GOLGA4: variants seen among roughly 807,000 people sequenced by gnomAD.
GOLGA4 encodes golgin subfamily A member 4.
In GOLGA4, 169 loss-of-function variants were observed where a neutral mutation model predicts 265.9. That is an observed-to-expected ratio of 0.64 (90% confidence interval 0.56 to 0.72). GOLGA4 has a LOEUF of 0.72. Ranked by LOEUF, GOLGA4 falls within the 30% of genes least tolerant of loss-of-function variation. The pLI, the probability that GOLGA4 is intolerant of heterozygous loss-of-function variation, is 0.00. For missense variants in GOLGA4, 2,482 were observed against 2,483.4 expected (o/e 1.00, Z 0.01); for synonymous variants, 923 against 855.8 (o/e 1.08, Z -1.37).
chr3:37,315,836 T>TGTTATA (rs2096936147), intron 11 of GOLGA4, among the ~76,000 whole-genome samples: 1 of 152,186 alleles, frequency 6.6e-6, no homozygotes, highest in Admixed American at 6.5e-5. Context: ...AGATGTGCCT[T>TGTTATA]AACTGTTCTG....
At position 37,319,050 on chromosome 3, in the gene GOLGA4, G is replaced by T; in HGVS notation, c.1414-13G>T. On this transcript the variant is annotated splice_polypyrimidine_tract_variant and intron_variant, in intron 11 of 23. Coordinates refer to ENST00000361924, the MANE Select transcript of GOLGA4 (RefSeq NM_002078.5). The stretch of plus-strand genomic sequence containing the variant: ...CTGGGTGTCCTTATATTATCTATTT[G>T]GCTCATTTTCAGAAATCCTCAGAAG... 6.4e-7 allele frequency: 1 copy of T among 1,565,294 alleles called. No homozygotes were observed. The highest frequency in any genetic ancestry group is 1.2e-5 in the South Asian group (1 of 83,732).
At chr3:37,328,650 T>C in intron 15 of GOLGA4, 113 bp downstream of exon 15, 1 of 1,004,622 alleles carries the variant, frequency 1.0e-6, no homozygotes, top group Non-Finnish European at 1.4e-6. Flanking sequence ...GGGGAAGAAA[T>C]AATCCTTGCC....
chr3:37,286,304 C>T (rs1379167464), intron 4 of GOLGA4, among the ~76,000 whole-genome samples: 1 of 150,238 alleles, frequency 6.7e-6, no homozygotes, highest in Non-Finnish European at 1.5e-5. Context: ...CAGGCGCCCG[C>T]CACCGCGCCC....
Position 37,282,006 on chromosome 3 carries a change from T to C in GOLGA4, c.211T>C (p.Ser71Pro). The C allele has an allele frequency of 1.9e-6, 3 of 1,614,104 alleles. No homozygotes were observed. The highest frequency in any genetic ancestry group is 2.5e-6 in the Non-Finnish European group (3 of 1,179,956). ...FAQKLQLRVP[S>P]VESLFRSPIK... is the part of the protein sequence containing the mutation. Reference sequence around the variant, plus strand: ...ACAGAAGCTCCAGCTCCGGGTGCCCTCCGTGGAGTCTTTGTTTCGAAGTCC... The same window carrying C: ...ACAGAAGCTCCAGCTCCGGGTGCCCCCCGTGGAGTCTTTGTTTCGAAGTCC... The change falls in exon 3 of 24, where the codon TCC becomes CCC. Residue 71 changes from serine (S) to proline (P), a missense_variant. Ser to Pro is a moderately conservative substitution (Grantham distance 74). Transcript: ENST00000361924.
intron 17 of GOLGA4, among the ~76,000 whole-genome samples, chr3:37,336,510 C>A (rs978550227): frequency 6.6e-6 from 1 of 151,746 alleles, no homozygotes; most frequent in African/African-American, 2.4e-5. Flanking sequence ...CCTGTAATCC[C>A]AGCACTTTGG....
intron 20 of GOLGA4, among the ~76,000 whole-genome samples, chr3:37,343,337 T>C (rs1233591508): frequency 6.6e-6 from 1 of 152,158 alleles, no homozygotes; most frequent in Non-Finnish European, 1.5e-5. Context: ...GTCAGGCTGG[T>C]CTCAAACTCC....
intron 13 of GOLGA4, 66 bp downstream of exon 13, chr3:37,321,952 C>A: frequency 7.6e-7 from 1 of 1,318,094 alleles, no homozygotes; most frequent in Non-Finnish European, 1.1e-6. Context: ...TTTGTTGTCT[C>A]TAGTCAGTAT....
At chr3:37,355,064 A>G (rs779720348) in intron 21 of GOLGA4, 37 bp from the exon 22 acceptor site, 1 of 1,157,762 alleles carries the variant, frequency 8.6e-7, no homozygotes, top group Non-Finnish European at 1.3e-6. Context: ...TATATGCTTC[A>G]CTGTCTGTTA....
chr3:37,323,985 G>C lies in GOLGA4; in HGVS notation c.2099G>C (p.Arg700Pro), dbSNP rs150129405. Residue 700 changes from arginine to proline, a missense_variant, in exon 14 of 24, where the codon CGT becomes CCT. Around this residue, in one of 3 missense-constraint regions of GOLGA4, gnomAD observed 1,536 missense variants for 1,483.7 expected, o/e 1.04. Transcript: ENST00000361924. ...SSELSEVLKA[R>P]HKLEEELSVL... ...GAACTGTCAGAAGTATTAAAAGCCC[G>C]TCACAAACTAGAAGAGGAACTTTCT... 23 of 1,613,480 alleles carry C rather than the reference G, an allele frequency of 1.4e-5. 1 individual carries two copies. In the Admixed American group the frequency reaches 1.7e-4, roughly 12 times the overall value.
At chr3:37,256,975 C>T (rs1313847526) in intron 2 of GOLGA4, among the ~76,000 whole-genome samples, 1 of 151,920 alleles carries the variant, frequency 6.6e-6, no homozygotes. Context: ...AATTAAGTAG[C>T]GTTCAGTACA....
Position 37,248,191 on chromosome 3 carries a change from T to A in GOLGA4, c.73-3204T>A, listed in dbSNP as rs1185202989. Reference sequence around the variant, plus strand: ...GGGTCTTACTGTGTTACTCAGGCAGTCTTGAACTCCTGGCCTCAAGTGATC... The same window carrying A: ...GGGTCTTACTGTGTTACTCAGGCAGACTTGAACTCCTGGCCTCAAGTGATC... On this transcript the variant is annotated intron_variant, in intron 1 of 23. Coordinates refer to ENST00000361924, the MANE Select transcript of GOLGA4 (RefSeq NM_002078.5). 2.0e-5 allele frequency among the ~76,000 whole-genome samples: 3 copies of A among 152,208 alleles called. No individual in the cohort carries two copies. In the East Asian group the frequency reaches 5.8e-4, roughly 29 times the overall value.
chr3:37,344,492 C>CTTTTTT (rs56761489), intron 20 of GOLGA4, among the ~76,000 whole-genome samples: 2 of 118,212 alleles, frequency 1.7e-5, no homozygotes, highest in Non-Finnish European at 1.7e-5. Flanking sequence ...ACCTCACTGT[C>CTTTTTT]TTTTTTTTTT....
chr3:37,271,257 T>C (rs1023977045), intron 2 of GOLGA4, among the ~76,000 whole-genome samples: 2 of 152,096 alleles, frequency 1.3e-5, no homozygotes, highest in African/African-American at 4.8e-5. Flanking sequence ...CTTTATAGTA[T>C]GTAGTATATT....
chr3:37,364,700 C>T (rs1318440951), intron 23 of GOLGA4, among the ~76,000 whole-genome samples: 1 of 151,634 alleles, frequency 6.6e-6, no homozygotes, highest in Non-Finnish European at 1.5e-5. Flanking sequence ...AATCCTCCCG[C>T]CTCAGCCTTC....
intron 4 of GOLGA4, chr3:37,287,470 C>T (rs1161453914): frequency 6.6e-6 from 1 of 152,236 alleles, no homozygotes; most frequent in Non-Finnish European, 1.5e-5. Flanking sequence ...ATTGCCAACA[C>T]TCTTACCTAT....
At chr3:37,273,136 T>C (rs1273202980) in intron 2 of GOLGA4, among the ~76,000 whole-genome samples, 2 of 152,246 alleles carry the variant, frequency 1.3e-5, no homozygotes, top group Non-Finnish European at 2.9e-5. Context: ...ATTTTGAGTA[T>C]TATTTTATTG....
chr3:37,357,187 T>C (rs55837295), intron 22 of GOLGA4, among the ~76,000 whole-genome samples: 30,617 of 152,172 alleles, frequency 0.2, 3,904 homozygotes, highest in Non-Finnish European at 0.29. Flanking sequence ...GTAGCTGATT[T>C]ATTCTTCCTG....
Position 37,300,261 on chromosome 3 carries a change from C to T in GOLGA4, c.1086+890C>T, listed in dbSNP as rs898239843. ...GGGTAAACAGTTTTGACCTGTCTTT[C>T]AGCTCCAAGTTCTTGGGTCCTTTTT... On this transcript the variant is annotated intron_variant, in intron 9 of 23. Transcript: ENST00000361924. Among the ~76,000 whole-genome samples the T allele has an allele frequency of 6.6e-5, 10 of 152,274 alleles. No individual in the cohort carries two copies. The South Asian group carries it at 1.0e-3, about 16-fold the overall frequency.
chr3:37,326,818 T>C lies in GOLGA4; in HGVS notation c.4932T>C (p.Ala1644=), dbSNP rs1319080885. The change falls in exon 14 of 24, where the codon GCT becomes GCC. Residue 1644 remains alanine, a synonymous_variant. Transcript: ENST00000361924. ...AATTAGCAGAGTTGAAGAGAAAAGCTGAACAAAAAATTGCTGCCATTAAGA... is the reference window on the plus strand; with the variant it reads ...AATTAGCAGAGTTGAAGAGAAAAGCCGAACAAAAAATTGCTGCCATTAAGA... ...AAKLAELKRK[A]EQKIAAIKKQ... 1 of 1,613,658 alleles carries C rather than the reference T, an allele frequency of 6.2e-7. No homozygotes were observed. Among genetic ancestry groups the C allele is most frequent in the Non-Finnish European group, 8.5e-7 (1 of 1,179,794 alleles).
Sources: allele counts gnomAD v4.1 joint callset (sites outside exome capture counted in the v4.1 genomes callset), GRCh38; gene constraint gnomAD v4.1.1; regional missense constraint gnomAD v4.1.1; transcripts MANE v1.5; gene names NCBI Gene and HGNC (gene_info 2026-07-23, HGNC 2026-07-21).